PTPRS: variants seen among roughly 807,000 people sequenced by gnomAD.
PTPRS encodes the protein protein tyrosine phosphatase receptor type S.
PTPRS carries 63 observed loss-of-function variants against 215.3 expected under a neutral mutation model. The observed-to-expected ratio is 0.29, with a 90% CI of 0.24 to 0.36. The LOEUF (loss-of-function observed/expected upper bound fraction) is 0.36, where lower values mean the gene tolerates loss of function less well. Among genes scored for constraint, PTPRS ranks in the 10% least tolerant of loss-of-function variants. The pLI is 1.00. For synonymous variants in PTPRS, 1,404 were observed against 1,191.4 expected, an observed-to-expected ratio of 1.18 and a Z score of -3.68; for missense variants, 2,258 against 2,825.8, an observed-to-expected ratio of 0.80 and a Z score of 4.56.
At chr19:5,319,884 G>C (rs987270906) in intron 1 of PTPRS, among the ~76,000 whole-genome samples, 5 of 151,792 alleles carry the variant, frequency 3.3e-5, no homozygotes, top group African/African-American at 1.2e-4. Flanking sequence ...CCTCCCTCCC[G>C]AGTCCCCTTT....
At position 5,223,080 on chromosome 19, in the gene PTPRS, C is replaced by T; in HGVS notation, c.2712G>A (p.Arg904=). The part of the protein sequence containing the change: ...GVHKGATYVF[R]LAARSRGGLG... ...GGCCGCCGCGGCTCCGGGCCGCAAG[C>T]CGGAACACATACGTGGCCCCCTTGT... is the stretch of plus-strand genomic sequence containing the variant. The change falls in exon 18 of 38, where the codon CGG becomes CGA. Residue 904 remains arginine, a synonymous_variant. Coordinates refer to ENST00000262963, the MANE Select transcript of PTPRS (RefSeq NM_002850.4). 1 of 1,559,900 alleles carries T rather than the reference C, an allele frequency of 6.4e-7. No homozygotes were observed. The highest frequency in any genetic ancestry group is 1.4e-5 in the African/African-American group (1 of 73,598).
intron 1 of PTPRS, 198 bp from the exon 2 acceptor site, chr19:5,286,432 C>CA (rs1366291756): frequency 1.2e-5 from 5 of 430,700 alleles, no homozygotes; most frequent in Middle Eastern, 6.7e-4. Flanking sequence ...GTCTCCCCCA[C>CA]AAAAAATCAT....
chr19:5,285,249 C>T (rs1358135372), intron 2 of PTPRS, among the ~76,000 whole-genome samples: 2 of 152,200 alleles, frequency 1.3e-5, no homozygotes, highest in Non-Finnish European at 2.9e-5. Context: ...CCCAGCCTGA[C>T]TGCAGAACCC....
intron 4 of PTPRS, among the ~76,000 whole-genome samples, chr19:5,272,405 CT>C (rs1568534884): frequency 6.6e-6 from 1 of 151,608 alleles, no homozygotes; most frequent in African/African-American, 2.4e-5. Context: ...TGAGACCACC[CT>C]GGCCAACATG....
chr19:5,222,594 G>A (rs1191735617), intron 18 of PTPRS, 95 bp downstream of exon 18: 9 of 1,308,854 alleles, frequency 6.9e-6, no homozygotes, highest in Non-Finnish European at 9.0e-6. Flanking sequence ...GCAGAAAAGT[G>A]AGCACTTACC....
chr19:5,313,587 C>G (rs2049778407), intron 1 of PTPRS, among the ~76,000 whole-genome samples: 4 of 152,154 alleles, frequency 2.6e-5, no homozygotes, highest in Admixed American at 2.0e-4. Context: ...CCCTACCTGT[C>G]TCCGTGTGAT....
rs61573175 is a variant in PTPRS, at chr19:5,330,445, G to A, written c.-95+10219C>T. On this transcript the variant is annotated intron_variant, in intron 1 of 37. Coordinates refer to ENST00000262963, the MANE Select transcript of PTPRS (RefSeq NM_002850.4). Reference sequence around the variant, plus strand: ...CGGCCCCCACCACGGGGGACTTTCCGCCCGCTTGGGTTAGTTCTCCTCTGT... The same window carrying A: ...CGGCCCCCACCACGGGGGACTTTCCACCCGCTTGGGTTAGTTCTCCTCTGT... 1.1e-4 allele frequency among the ~76,000 whole-genome samples: 17 copies of A among 152,318 alleles called. No individual in the cohort carries two copies. The East Asian group carries it at 2.9e-3, about 26-fold the overall frequency.
intron 1 of PTPRS, among the ~76,000 whole-genome samples, chr19:5,316,994 C>T (rs920985141): frequency 1.1e-4 from 16 of 152,190 alleles, no homozygotes; most frequent in African/African-American, 3.9e-4. Context: ...GAGGGATCCA[C>T]GAAGGATACC....
At chr19:5,274,430 C>T in intron 2 of PTPRS, 86 bp from the exon 3 acceptor site, 2 of 1,423,560 alleles carry the variant, frequency 1.4e-6, no homozygotes, top group Non-Finnish European at 1.9e-6. Context: ...ACCTGCATTC[C>T]ATGCCCTGCC....
At chr19:5,278,748 T>C (rs1050917484) in intron 2 of PTPRS, among the ~76,000 whole-genome samples, 1 of 151,974 alleles carries the variant, frequency 6.6e-6, no homozygotes, top group Non-Finnish European at 1.5e-5. Context: ...GTGCTGGGAT[T>C]ACAGGCGTGA....
At chr19:5,214,327 C>T (rs1048116017) in intron 30 of PTPRS, 34 bp downstream of exon 30, 7 of 1,613,530 alleles carry the variant, frequency 4.3e-6, no homozygotes, top group Admixed American at 1.7e-5. Flanking sequence ...CACATTCCTC[C>T]ACCCTCAGCC....
chr19:5,229,910 C>CCG (rs1555761318), intron 14 of PTPRS, among the ~76,000 whole-genome samples: 1 of 152,056 alleles, frequency 6.6e-6, no homozygotes, highest in South Asian at 2.1e-4. Flanking sequence ...AGGCTGCCCC[C>CCG]CCCCGAGTCT....
rs1437619741 is a variant in PTPRS at position 5,231,515 on chromosome 19, G to T, written c.1950C>A (p.Ala650=). Residue 650 remains alanine (A), a synonymous_variant, in exon 14 of 38, where the codon GCC becomes GCA. Transcript: ENST00000262963. The part of the protein sequence containing the change: ...RPPPPETHNG[A]LVGYSVRYRP... The stretch of plus-strand genomic sequence containing the variant: ...GGTAGCGGACGCTGTAGCCCACCAG[G>T]GCCCCGTTGTGCGTTTCCGGCGGCG... The T allele has an allele frequency of 2.5e-6, 4 of 1,612,080 alleles. No homozygotes were observed. Among genetic ancestry groups the T allele is most frequent in the African/African-American group, 2.7e-5 (2 of 74,684 alleles).
chr19:5,305,754 T>A (rs1479189130), intron 1 of PTPRS, among the ~76,000 whole-genome samples: 6 of 111,006 alleles, frequency 5.4e-5, no homozygotes, highest in African/African-American at 2.6e-4. Context: ...TAAATATATA[T>A]ATATATATAT....
At chr19:5,226,071 G>A (rs928429789) in intron 16 of PTPRS, among the ~76,000 whole-genome samples, 6 of 152,062 alleles carry the variant, frequency 3.9e-5, no homozygotes, top group African/African-American at 9.7e-5. Context: ...GGACCAACTC[G>A]GTCCTCTCTG....
chr19:5,211,938 C>A, intron 32 of PTPRS, 27 bp downstream of exon 32: 1 of 1,560,948 alleles, frequency 6.4e-7, no homozygotes, highest in Non-Finnish European at 8.7e-7. Flanking sequence ...CCCACCCCGC[C>A]CACAGCAGCC....
chr19:5,212,943 C>G (rs1054945383), intron 30 of PTPRS, among the ~76,000 whole-genome samples: 3 of 152,014 alleles, frequency 2.0e-5, no homozygotes, highest in African/African-American at 7.2e-5. Context: ...TAGAGTCTTG[C>G]GGACGCCTCA....
At chr19:5,212,286 G>C in intron 31 of PTPRS, 36 bp from the exon 32 acceptor site, 1 of 1,609,114 alleles carries the variant, frequency 6.2e-7, no homozygotes, top group Non-Finnish European at 8.5e-7. Context: ...AGGGGCTGCT[G>C]GGCTGCGGGG....
intron 6 of PTPRS, among the ~76,000 whole-genome samples, 161 bp downstream of exon 6, chr19:5,262,803 C>T (rs531399204): frequency 2.6e-5 from 4 of 152,030 alleles, no homozygotes; most frequent in South Asian, 2.1e-4. Flanking sequence ...GCTGAGGGGC[C>T]GGTCGCGGGG....
Sources: allele counts gnomAD v4.1 joint callset (sites outside exome capture counted in the v4.1 genomes callset), GRCh38; gene constraint gnomAD v4.1.1; transcripts MANE v1.5; gene names NCBI Gene and HGNC (gene_info 2026-07-23, HGNC 2026-07-21).